Variants in POLR3B observed in about 807,000 individuals in gnomAD.
POLR3B encodes DNA-directed RNA polymerase III subunit RPC2.
A neutral mutation model predicts 147.4 loss-of-function variants in POLR3B; 96 were observed. The ratio of observed to expected loss-of-function variants is 0.65; its 90% CI spans 0.55 to 0.77. The LOEUF (loss-of-function observed/expected upper bound fraction) is 0.77. Among genes scored for constraint, POLR3B ranks in the 30% least tolerant of loss-of-function variants. POLR3B has a pLI of 0.00. For synonymous variants in POLR3B, 461 were observed against 485.9 expected, an observed-to-expected ratio of 0.95 and a Z score of 0.67; for missense variants, 1,036 against 1,413.5, an observed-to-expected ratio of 0.73 and a Z score of 4.28.
At position 106,432,393 on chromosome 12, in the gene POLR3B, T is replaced by G; in HGVS notation, c.1540T>G (p.Leu514Val). 6.2e-7 allele frequency: 1 copy of G among 1,613,570 alleles called. No individual in the cohort carries two copies. The highest frequency in any genetic ancestry group is 8.5e-7 in the Non-Finnish European group (1 of 1,179,492). Residue 514 changes from leucine to valine, a missense_variant, in exon 15 of 28, where the codon TTA becomes GTA. This residue lies in a region of POLR3B where 177 missense variants were observed against 232.7 expected (regional missense o/e 0.76). Transcript: ENST00000228347. Reference protein sequence around the residue: ...TDMEDGPIVKLASNLGVEDVN... With the variant: ...TDMEDGPIVKVASNLGVEDVN... ...TATGGAAGATGGACCCATTGTTAAATTAGCCAGTAACTTGGGAGTAGAAGA... is the reference window on the plus strand; with the variant it reads ...TATGGAAGATGGACCCATTGTTAAAGTAGCCAGTAACTTGGGAGTAGAAGA...
intron 6 of POLR3B, among the ~76,000 whole-genome samples, chr12:106,374,822 G>A (rs140236622): frequency 0.016 from 2,364 of 152,118 alleles, 59 homozygotes; most frequent in African/African-American, 0.054. Context: ...GGCCTCCTTG[G>A]CATGTTTTTT....
chr12:106,504,128 A>T lies in POLR3B; in HGVS notation c.3146A>T (p.Glu1049Val). 1 of 1,614,178 alleles carries T rather than the reference A, an allele frequency of 6.2e-7. No individual in the cohort carries two copies. ...CGTGATGGTGGCTTGCGTCTCGGGGAAATGGAACGTGACTGTTTAATCGGT... is the reference window on the plus strand; with the variant it reads ...CGTGATGGTGGCTTGCGTCTCGGGGTAATGGAACGTGACTGTTTAATCGGT... ...RSRDGGLRLG[E>V]MERDCLIGYG... The change falls in exon 27 of 28, where the codon GAA becomes GTA. Residue 1049 changes from glutamate to valine, a missense_variant. Glu to Val is a moderately radical substitution (Grantham distance 121, BLOSUM62 -2). Transcript: ENST00000228347. The surrounding 1 kb of genome is among the most constrained non-coding windows in gnomAD (Gnocchi z 4.6).
Position 106,509,488 on chromosome 12 carries a change from T to C in POLR3B, c.3341T>C (p.Phe1114Ser). The C allele has an allele frequency of 1.9e-6, 3 of 1,613,598 alleles. No individual in the cohort carries two copies. Among genetic ancestry groups the C allele is most frequent in the Non-Finnish European group, 2.5e-6 (3 of 1,179,540 alleles). ...LRIPYACKLL[F>S]QELQSMNIIP... ...ATTCCGTATGCCTGCAAGCTGCTCT[T>C]CCAGGAACTACAGTCTATGAACATC... Residue 1114 changes from phenylalanine (F) to serine (S), a missense_variant, in exon 28 of 28, where the codon TTC (phenylalanine) becomes TCC (serine). Phe to Ser is a radical substitution (Grantham distance 155). Around this residue, in one of 12 missense-constraint regions of POLR3B, gnomAD observed 69 missense variants for 89.8 expected, o/e 0.77. Transcript: ENST00000228347.
intron 19 of POLR3B, among the ~76,000 whole-genome samples, chr12:106,449,040 A>AAATGCTT (rs1447834164): frequency 1.3e-5 from 2 of 152,118 alleles, no homozygotes; most frequent in South Asian, 4.1e-4. Flanking sequence ...CCCTTATCTG[A>AAATGCTT]AATGCTTAGG....
chr12:106,454,783 A>T, intron 20 of POLR3B, 72 bp downstream of exon 20: 1 of 833,284 alleles, frequency 1.2e-6, no homozygotes. Context: ...TTAATGTAAA[A>T]ATCACTTGGT....
At chr12:106,373,273 T>G (rs1020933468) in intron 6 of POLR3B, among the ~76,000 whole-genome samples, 2 of 152,224 alleles carry the variant, frequency 1.3e-5, no homozygotes, top group South Asian at 4.1e-4. Flanking sequence ...TGATATTAGG[T>G]GCATAGAAGT....
At chr12:106,424,856 A>G (rs1443064623) in intron 12 of POLR3B, among the ~76,000 whole-genome samples, 1 of 152,208 alleles carries the variant, frequency 6.6e-6, no homozygotes, top group Non-Finnish European at 1.5e-5. Context: ...TGATATCTAA[A>G]TAATATTTAG....
rs571860014 is a variant in POLR3B, at chr12:106,480,892, G to C, written c.2714-15163G>C. Among the ~76,000 whole-genome samples, 6 of 152,172 alleles carry C rather than the reference G, an allele frequency of 3.9e-5. No homozygotes were observed. In the East Asian group the frequency reaches 5.8e-4, roughly 15 times the overall value. On this transcript the variant is annotated intron_variant, in intron 23 of 27. Transcript: ENST00000228347. ...ATGAGAAAAGATTGAAAGCTGGGAGGGGGGATGGGAAGCATGTGAGGGGAG... is the reference window on the plus strand; with the variant it reads ...ATGAGAAAAGATTGAAAGCTGGGAGCGGGGATGGGAAGCATGTGAGGGGAG...
At chr12:106,508,384 A>G (rs2038722873) in intron 27 of POLR3B, among the ~76,000 whole-genome samples, 1 of 152,124 alleles carries the variant, frequency 6.6e-6, no homozygotes, top group Non-Finnish European at 1.5e-5. Flanking sequence ...ATCCCCCTTC[A>G]ATTCCTGGTC....
chr12:106,469,090 G>A (rs11533557), intron 23 of POLR3B, among the ~76,000 whole-genome samples: 1 of 152,174 alleles, frequency 6.6e-6, no homozygotes, highest in East Asian at 1.9e-4. Flanking sequence ...CTCTTTGTAG[G>A]TCTCTAAGAA....
chr12:106,508,503 G>A (rs2038725170), intron 27 of POLR3B, among the ~76,000 whole-genome samples: 1 of 152,186 alleles, frequency 6.6e-6, no homozygotes, highest in Non-Finnish European at 1.5e-5. Context: ...ATTTGTACTG[G>A]ATACCTACTG....
chr12:106,460,842 G>C (rs987856136), intron 22 of POLR3B, among the ~76,000 whole-genome samples: 1 of 152,118 alleles, frequency 6.6e-6, no homozygotes, highest in East Asian at 1.9e-4. Context: ...AATGTGCTCA[G>C]ATACTTTTTA....
At chr12:106,485,535 C>T (rs2038325195) in intron 23 of POLR3B, among the ~76,000 whole-genome samples, 1 of 152,066 alleles carries the variant, frequency 6.6e-6, no homozygotes, top group Admixed American at 6.6e-5. Context: ...AGGACAGCAG[C>T]AGTGGAAAAA....
intron 26 of POLR3B, among the ~76,000 whole-genome samples, chr12:106,502,258 G>A (rs936323237): frequency 5.9e-5 from 9 of 152,122 alleles, no homozygotes; most frequent in Non-Finnish European, 8.8e-5. Context: ...GTATGTCAGC[G>A]GTGCCGAGGT....
chr12:106,398,542 G>T (rs1049937229), intron 10 of POLR3B, among the ~76,000 whole-genome samples: 2 of 152,198 alleles, frequency 1.3e-5, no homozygotes, highest in African/African-American at 4.8e-5. Flanking sequence ...CTCCTCAAGT[G>T]GTTCCCTGAC....
At chr12:106,386,970 C>G (rs1218136163) in intron 9 of POLR3B, among the ~76,000 whole-genome samples, 1 of 152,026 alleles carries the variant, frequency 6.6e-6, no homozygotes, top group Non-Finnish European at 1.5e-5. Flanking sequence ...TACATCTATA[C>G]ACGCATATGC....
chr12:106,497,004 G>A (rs2038499249), intron 25 of POLR3B, 86 bp downstream of exon 25: 1 of 1,349,240 alleles, frequency 7.4e-7, no homozygotes, highest in Non-Finnish European at 1.0e-6. Flanking sequence ...ACTCTATTAA[G>A]TATACCTTCA....
At chr12:106,496,943 A>G in intron 25 of POLR3B, 25 bp downstream of exon 25, 2 of 1,608,734 alleles carry the variant, frequency 1.2e-6, no homozygotes, top group Non-Finnish European at 1.7e-6. Context: ...GAGCTATTTT[A>G]AAGAAAAAGA....
rs540565652 is a variant in POLR3B, at chr12:106,496,941, T to C, written c.2984+23T>C. 4.3e-5 allele frequency: 69 copies of C among 1,610,712 alleles called. No individual in the cohort carries two copies. In the South Asian group the frequency reaches 4.9e-4, roughly 12 times the overall value. On this transcript the variant is annotated intron_variant, in intron 25 of 27. Coordinates refer to ENST00000228347, the MANE Select transcript of POLR3B (RefSeq NM_018082.6). ...AGGGTAAGCATGCGATTGAGCTATT[T>C]TAAAGAAAAAGAATGGTTTTACTAG...
Sources: allele counts gnomAD v4.1 joint callset (sites outside exome capture counted in the v4.1 genomes callset), GRCh38; gene constraint gnomAD v4.1.1; regional missense constraint gnomAD v4.1.1; non-coding constraint Gnocchi (gnomAD v3.1); transcripts MANE v1.5; gene names NCBI Gene and HGNC (gene_info 2026-07-23, HGNC 2026-07-21).